The following SGCZ variants were observed in gnomAD, a reference collection of about 807,000 sequenced individuals.
SGCZ encodes sarcoglycan zeta, also known as zeta-sarcoglycan.
Under a neutral mutation model 41.3 loss-of-function variants are expected in SGCZ, and 40 were observed. The ratio of observed to expected loss-of-function variants is 0.97; its 90% CI spans 0.75 to 1.26. The LOEUF (loss-of-function observed/expected upper bound fraction) is 1.26, where lower values mean the gene tolerates loss of function less well. Among genes scored for constraint, SGCZ ranks in the 50% most tolerant of loss-of-function variants. The pLI is 0.00. For synonymous variants in SGCZ, 206 were observed against 137.5 expected (o/e 1.50, Z -3.49); for missense variants, 552 against 369.8 (o/e 1.49, Z -4.04).
At chr8:14,662,964 C>T (rs757119887) in intron 1 of SGCZ, among the ~76,000 whole-genome samples, 2 of 152,130 alleles carry the variant, frequency 1.3e-5, no homozygotes, top group African/African-American at 2.4e-5. Flanking sequence ...ACCGGAATCT[C>T]AGTCTTACAG....
intron 1 of SGCZ, among the ~76,000 whole-genome samples, chr8:14,897,767 GTGA>G (rs1805255889): frequency 6.6e-6 from 1 of 152,154 alleles, no homozygotes. Context: ...CCTAGCATGT[GTGA>G]TGTCTCTATC....
chr8:14,177,463 G>A (rs556832294), intron 4 of SGCZ, among the ~76,000 whole-genome samples: 123 of 152,198 alleles, frequency 8.1e-4, no homozygotes, highest in South Asian at 2.3e-3. Context: ...CAAGTATAGA[G>A]TTAAGTAAAA....
At chr8:14,450,345 T>C (rs1335781928) in intron 2 of SGCZ, among the ~76,000 whole-genome samples, 1 of 152,202 alleles carries the variant, frequency 6.6e-6, no homozygotes, top group Non-Finnish European at 1.5e-5. Context: ...CGTGTTTCAT[T>C]TCAGCCTCCA....
intron 1 of SGCZ, among the ~76,000 whole-genome samples, chr8:15,213,331 T>C (rs1801297791): frequency 6.6e-6 from 1 of 151,936 alleles, no homozygotes; most frequent in South Asian, 2.1e-4. Context: ...AAGTAAAATA[T>C]ACACAAAAAA....
chr8:14,593,924 C>A (rs1178874095), intron 1 of SGCZ, among the ~76,000 whole-genome samples: 1 of 152,052 alleles, frequency 6.6e-6, no homozygotes, highest in African/African-American at 2.4e-5. Context: ...CCTATAATCC[C>A]CGCACTTTGG....
intron 1 of SGCZ, among the ~76,000 whole-genome samples, chr8:15,232,580 T>G (rs1801979193): frequency 6.6e-6 from 1 of 151,428 alleles, no homozygotes; most frequent in Non-Finnish European, 1.5e-5. Context: ...AATTTCAACT[T>G]CAATTAAACA....
At chr8:14,543,023 G>C (rs1159663826) in intron 2 of SGCZ, among the ~76,000 whole-genome samples, 1 of 151,780 alleles carries the variant, frequency 6.6e-6, no homozygotes. Context: ...CAAAAACTGA[G>C]CTATTACACT....
chr8:14,542,613 G>A (rs1211507716), intron 2 of SGCZ, among the ~76,000 whole-genome samples: 1 of 152,038 alleles, frequency 6.6e-6, no homozygotes, highest in African/African-American at 2.4e-5. Flanking sequence ...GGGCAGTAAG[G>A]AAATAGATTG....
At chr8:14,243,120 G>A (rs935847956) in intron 3 of SGCZ, among the ~76,000 whole-genome samples, 1 of 152,198 alleles carries the variant, frequency 6.6e-6, no homozygotes, top group Non-Finnish European at 1.5e-5. Context: ...ACACATTTTA[G>A]AAAGTATTGC....
At chr8:14,491,741 G>A (rs1164334868) in intron 2 of SGCZ, among the ~76,000 whole-genome samples, 1 of 152,162 alleles carries the variant, frequency 6.6e-6, no homozygotes, top group African/African-American at 2.4e-5. Context: ...CACTGCACAT[G>A]TAGGCTATAA....
chr8:14,872,110 T>C (rs946061599), intron 1 of SGCZ, among the ~76,000 whole-genome samples: 2 of 151,264 alleles, frequency 1.3e-5, no homozygotes, highest in Non-Finnish European at 2.9e-5. Context: ...TAAGTGGGAG[T>C]TGAACAATGA....
intron 2 of SGCZ, among the ~76,000 whole-genome samples, chr8:14,545,414 CTTT>C (rs11286961): frequency 9.5e-4 from 102 of 107,860 alleles, no homozygotes; most frequent in Non-Finnish European, 1.7e-3. Context: ...CAAATGCTTA[CTTT>C]TTTTTTTTTT....
intron 4 of SGCZ, among the ~76,000 whole-genome samples, chr8:14,226,971 G>T (rs546509131): frequency 6.6e-6 from 1 of 152,016 alleles, no homozygotes; most frequent in Non-Finnish European, 1.5e-5. Context: ...TAATATTGAA[G>T]GCTTTCTTCC....
chr8:14,803,434 G>A (rs1032261551), intron 1 of SGCZ, among the ~76,000 whole-genome samples: 2 of 152,244 alleles, frequency 1.3e-5, no homozygotes, highest in African/African-American at 4.8e-5. Context: ...AGGGGTCAGG[G>A]AGTTCCCTTT....
chr8:14,657,114 T>G (rs1807602320), intron 1 of SGCZ, among the ~76,000 whole-genome samples: 1 of 152,098 alleles, frequency 6.6e-6, no homozygotes, highest in Non-Finnish European at 1.5e-5. Flanking sequence ...TTTGTAAATG[T>G]TTACATATCT....
At position 14,099,804 on chromosome 8, in the gene SGCZ, C is replaced by T. The variant is rs574950349; in HGVS notation, c.744+2572G>A. ...TTATTGTATTACATGTGCCATTATA[C>T]CACTTACAGTATTCTCCATACAATT... On this transcript the variant is annotated intron_variant, in intron 7 of 7. Transcript: ENST00000382080. Among the ~76,000 whole-genome samples the T allele has an allele frequency of 8.5e-5, 13 of 152,226 alleles. No individual in the cohort carries two copies. In the East Asian group the frequency reaches 1.4e-3, roughly 16 times the overall value.
intron 1 of SGCZ, among the ~76,000 whole-genome samples, chr8:15,102,934 C>A (rs1203556313): frequency 6.6e-6 from 1 of 152,086 alleles, no homozygotes; most frequent in Non-Finnish European, 1.5e-5. Flanking sequence ...CAATATAAAT[C>A]ATATTCCTTA....
intron 1 of SGCZ, among the ~76,000 whole-genome samples, chr8:14,598,848 T>G (rs1337190633): frequency 4.6e-5 from 7 of 152,126 alleles, no homozygotes. Flanking sequence ...TTAAAAATAT[T>G]AGACACTCCT....
chr8:14,496,689 T>C (rs1484573935), intron 2 of SGCZ, among the ~76,000 whole-genome samples: 2 of 152,162 alleles, frequency 1.3e-5, no homozygotes, highest in Non-Finnish European at 2.9e-5. Flanking sequence ...AGTTTCTCTC[T>C]GGTTTTACTT....
Sources: gnomAD v4.1 joint callset for allele counts (sites outside exome capture counted in the v4.1 genomes callset) on GRCh38, gnomAD v4.1.1 for gene constraint, MANE v1.5 for transcripts, NCBI Gene and HGNC (gene_info 2026-07-23, HGNC 2026-07-21) for gene names.